BBS2: variants seen among roughly 807,000 people sequenced by gnomAD.
The protein encoded by BBS2 is Bardet-Biedl syndrome 2.
A neutral mutation model predicts 83.0 loss-of-function variants in BBS2; 62 were observed. The observed-to-expected ratio is 0.75, with a 90% CI of 0.61 to 0.92. The LOEUF is 0.92. BBS2 is among the 40% of genes least tolerant of loss of function. The probability of loss-of-function intolerance (pLI) is 0.00; values close to 1 mark genes in which losing one functional copy is unlikely to be tolerated. For synonymous variants in BBS2, 303 were observed against 326.1 expected, an observed-to-expected ratio of 0.93 and a Z score of 0.76; for missense variants, 784 against 901.0, an observed-to-expected ratio of 0.87 and a Z score of 1.66.
intron 15 of BBS2, among the ~76,000 whole-genome samples, chr16:56,491,645 A>T (rs1452313596): frequency 6.6e-6 from 1 of 152,056 alleles, no homozygotes; most frequent in Non-Finnish European, 1.5e-5. Flanking sequence ...CACACAAAAA[A>T]GAAATGGAAA....
chr16:56,479,699 C>T (rs9927055), downstream of BBS2, among the ~76,000 whole-genome samples: 442 of 152,320 alleles, frequency 2.9e-3, 4 homozygotes, highest in African/African-American at 1.0e-2. Context: ...GCCAGATCTG[C>T]AGGGCCCAAT....
intron 17 of BBS2, among the ~76,000 whole-genome samples, chr16:56,470,973 G>A (rs1375663102): frequency 6.6e-6 from 1 of 152,100 alleles, no homozygotes; most frequent in Non-Finnish European, 1.5e-5. Context: ...AGAAGACAGA[G>A]ATTAAATGTA....
chr16:56,471,117 G>A (rs542618711), intron 17 of BBS2, among the ~76,000 whole-genome samples: 27 of 151,852 alleles, frequency 1.8e-4, no homozygotes, highest in African/African-American at 5.8e-4. Context: ...TTTTGGAGGC[G>A]GAGGCAGTCT....
rs1964827024 is a variant in BBS2 at position 56,518,805 on chromosome 16, C to CTGTAT, written c.117+940_117+941insATACA. ...CTGAAAGTAGGGACTCCTTTTACAT[C>CTGTAT]CGAGTCTCCAAAATCTATACAGAAG... is the stretch of plus-strand genomic sequence containing the variant. On this transcript the variant is annotated intron_variant, in intron 1 of 16. Transcript: ENST00000245157. Among the ~76,000 whole-genome samples the CTGTAT allele has an allele frequency of 3.0e-5, 3 of 101,270 alleles. No homozygotes were observed. In the South Asian group the frequency reaches 1.0e-3, roughly 35 times the overall value. 66.4% of individuals were successfully genotyped at this position (101,270 alleles called of 152,430 possible). A position where few individuals can be genotyped will look rare whatever the true frequency, so the allele number is the denominator to read the frequency against.
rs774708101 is a variant in BBS2 at position 56,494,125 on chromosome 16, A to ATT, written c.1910+2840_1910+2841dup. On this transcript the variant is annotated intron_variant, in intron 15 of 16. Coordinates refer to ENST00000245157, the MANE Select transcript of BBS2 (RefSeq NM_031885.5). Reference sequence around the variant, plus strand: ...AGGCATGCACCACTATGCCCAGCTAATTTTTTTTTTTTTTTTTTTTTTTGC... The same window carrying ATT: ...AGGCATGCACCACTATGCCCAGCTAATTTTTTTTTTTTTTTTTTTTTTTTTGC... 3.8e-3 allele frequency among the ~76,000 whole-genome samples: 453 copies of ATT among 120,104 alleles called. 10 individuals are homozygous for ATT. In the South Asian group the frequency reaches 0.038, roughly 10 times the overall value. 78.8% of individuals were successfully genotyped at this position (120,104 alleles called of 152,430 possible). A position where few individuals can be genotyped will look rare whatever the true frequency, so the allele number is the denominator to read the frequency against.
At chr16:56,486,031 G>C (rs1253993842) in intron 15 of BBS2, among the ~76,000 whole-genome samples, 1 of 152,176 alleles carries the variant, frequency 6.6e-6, no homozygotes, top group Non-Finnish European at 1.5e-5. Flanking sequence ...AAGTGAGCAA[G>C]GTGACAGCCC....
At chr16:56,500,683 T>A in intron 11 of BBS2, 171 bp downstream of exon 11, 2 of 648,372 alleles carry the variant, frequency 3.1e-6, no homozygotes, top group South Asian at 4.0e-5. Flanking sequence ...TCCATTTTCT[T>A]TTTACAGGTT....
intron 15 of BBS2, among the ~76,000 whole-genome samples, chr16:56,490,260 T>C (rs1035133331): frequency 1.3e-5 from 2 of 152,056 alleles, no homozygotes; most frequent in Non-Finnish European, 2.9e-5. Context: ...AGAGACTTAA[T>C]GTAAAAAAGC....
At chr16:56,507,969 A>C (rs1455740319) in intron 5 of BBS2, among the ~76,000 whole-genome samples, 2 of 152,164 alleles carry the variant, frequency 1.3e-5, no homozygotes, top group Admixed American at 1.3e-4. Flanking sequence ...ACTCCATCTC[A>C]AAAAAATAAT....
intron 15 of BBS2, among the ~76,000 whole-genome samples, chr16:56,488,323 T>C (rs1963845362): frequency 6.6e-6 from 1 of 152,234 alleles, no homozygotes; most frequent in South Asian, 2.1e-4. Flanking sequence ...CCCACAAGAC[T>C]GCCTGACTTC....
At chr16:56,495,760 G>GTA (rs1291822389) in intron 15 of BBS2, among the ~76,000 whole-genome samples, 22 of 119,802 alleles carry the variant, frequency 1.8e-4, no homozygotes, top group Non-Finnish European at 2.8e-4. Flanking sequence ...ACAGACGTGT[G>GTA]TATATATGTG....
Position 56,520,010 on chromosome 16 carries a change from G to C in BBS2, c.-148C>G, listed in dbSNP as rs1386948519. ...ACGCGAAACAGCCCGGGACGAACCC[G>C]TCCAGGTACCGCCTGCTCCTCCTGC... On this transcript the variant is annotated 5_prime_UTR_variant, in exon 1 of 17. Transcript: ENST00000245157. The C allele has an allele frequency of 2.8e-6, 2 of 706,526 alleles. No homozygotes were observed. The highest frequency in any genetic ancestry group is 5.1e-6 in the Non-Finnish European group (2 of 394,118). The allele number at this position is 706,526 out of a possible 1,614,324, so 43.8% of individuals were successfully genotyped here.
rs772864503 is a variant in BBS2, at chr16:56,514,464, A to G, written c.334T>C (p.Phe112Leu). 5.0e-6 allele frequency: 8 copies of G among 1,613,964 alleles called. No homozygotes were observed. Among genetic ancestry groups the G allele is most frequent in the Non-Finnish European group, 6.8e-6 (8 of 1,179,916 alleles). ...AYDVYNNSDL[F>L]YREVADGANA... ...AAGGTTATACTTGCCTCTCTGTAGA[A>G]CAAATCCGAATTATTGTAGACATCA... Residue 112 changes from phenylalanine to leucine, a missense_variant, in exon 2 of 17, where the codon TTC becomes CTC. Coordinates refer to ENST00000245157, the MANE Select transcript of BBS2 (RefSeq NM_031885.5).
chr16:56,473,428 A>G (rs1028575510), intron 17 of BBS2, among the ~76,000 whole-genome samples: 8 of 152,310 alleles, frequency 5.3e-5, no homozygotes, highest in Admixed American at 3.9e-4. Flanking sequence ...CACTGTCATA[A>G]TAAACGACAC....
intron 14 of BBS2, chr16:56,497,393 T>G: frequency 2.0e-6 from 1 of 494,900 alleles, no homozygotes; most frequent in Non-Finnish European, 3.6e-6. Flanking sequence ...AGAATCATCT[T>G]TATTTTGCTC....
chr16:56,490,716 A>G (rs1168407873), intron 15 of BBS2, among the ~76,000 whole-genome samples: 2 of 152,134 alleles, frequency 1.3e-5, no homozygotes, highest in Non-Finnish European at 2.9e-5. Flanking sequence ...TAATTTGACT[A>G]TATACAAAAT....
chr16:56,503,546 AAG>A (rs1280474138), intron 7 of BBS2, among the ~76,000 whole-genome samples: 15 of 152,152 alleles, frequency 9.9e-5, no homozygotes, highest in Admixed American at 9.8e-4. Flanking sequence ...TCCCATTTCC[AAG>A]AGAGAGAACA....
chr16:56,490,861 A>G (rs1430664733), intron 15 of BBS2, among the ~76,000 whole-genome samples: 2 of 151,296 alleles, frequency 1.3e-5, no homozygotes, highest in Non-Finnish European at 2.9e-5. Flanking sequence ...TCCCGGGTTC[A>G]CACCATTCTC....
At chr16:56,486,484 A>C (rs1412060139) in intron 15 of BBS2, among the ~76,000 whole-genome samples, 8 of 152,242 alleles carry the variant, frequency 5.3e-5, no homozygotes, top group African/African-American at 1.9e-4. Flanking sequence ...GATAAATATC[A>C]TATATCCATA....
Sources: gnomAD v4.1 joint callset for allele counts (sites outside exome capture counted in the v4.1 genomes callset) on GRCh38, gnomAD v4.1.1 for gene constraint, MANE v1.5 for transcripts, NCBI Gene and HGNC (gene_info 2026-07-23, HGNC 2026-07-21) for gene names.